The following KMT2D variants were observed in gnomAD, a reference collection of about 807,000 sequenced individuals.
The protein encoded by KMT2D is histone-lysine N-methyltransferase 2D.
In KMT2D, 55 loss-of-function variants were observed where a neutral mutation model predicts 512.7. That is an observed-to-expected ratio of 0.11 (90% CI 0.09 to 0.13). KMT2D has a LOEUF of 0.13. Among genes scored for constraint, KMT2D ranks in the 10% least tolerant of loss-of-function variants. The pLI is 1.00. For synonymous variants in KMT2D, 2,995 were observed against 2,904.0 expected (o/e 1.03, Z -1.01); for missense variants, 6,061 against 7,127.9 (o/e 0.85, Z 5.39).
rs1303835325 is a variant in KMT2D, at chr12:49,042,664, C to G, written c.5783-19G>C. 8 of 1,611,152 alleles carry G rather than the reference C, an allele frequency of 5.0e-6. No individual in the cohort carries two copies. The South Asian group carries it at 8.8e-5, about 18-fold the overall frequency. On this transcript the variant is annotated intron_variant, in intron 27 of 54. Transcript: ENST00000301067. This position sits in a 1 kb window ranked among gnomAD's most constrained non-coding sequence, Gnocchi z 4.4. Reference sequence around the variant, plus strand: ...AGTCCACCTACAAGACGGACAGGATCAGAGAAAAGAGCAACTGGCCCATCC... The same window carrying G: ...AGTCCACCTACAAGACGGACAGGATGAGAGAAAAGAGCAACTGGCCCATCC...
rs757557435 is a variant in KMT2D at position 49,039,820 on chromosome 12, A to C, written c.7950T>G (p.Thr2650=). 3.0e-5 allele frequency: 48 copies of C among 1,613,874 alleles called. No individual in the cohort carries two copies. Among genetic ancestry groups the C allele is most frequent in the Non-Finnish European group, 4.0e-5 (47 of 1,179,890 alleles). ...SPVEKREDPG[T]GMGSSLATAE... The stretch of plus-strand genomic sequence containing the variant: ...CTGTCGCCAAAGAGCTACCCATTCC[A>C]GTCCCTGGGTCTTCTCGCTTTTCGA... The change falls in exon 32 of 55, where the codon ACT becomes ACG. Residue 2650 remains threonine (T), a synonymous_variant. Coordinates refer to ENST00000301067, the MANE Select transcript of KMT2D (RefSeq NM_003482.4). The surrounding 1 kb of genome is among the most constrained non-coding windows in gnomAD (Gnocchi z 5.0).
Position 49,042,655 on chromosome 12 carries a change from G to A in KMT2D, c.5783-10C>T, listed in dbSNP as rs780005453. The A allele has an allele frequency of 2.4e-5, 39 of 1,612,048 alleles. No individual in the cohort carries two copies. The highest frequency in any genetic ancestry group is 2.0e-4 in the Admixed American group (12 of 59,762). On this transcript the variant is annotated splice_polypyrimidine_tract_variant and intron_variant, in intron 27 of 54. Coordinates refer to ENST00000301067, the MANE Select transcript of KMT2D (RefSeq NM_003482.4). The surrounding 1 kb of genome is among the most constrained non-coding windows in gnomAD (Gnocchi z 4.4). ...CCCAAAGGGAGTCCACCTACAAGAC[G>A]GACAGGATCAGAGAAAAGAGCAACT...
Position 49,031,125 on chromosome 12 carries a change from G to A in KMT2D, c.13530+50C>T, listed in dbSNP as rs375912331. The A allele has an allele frequency of 7.8e-5, 125 of 1,608,690 alleles. No homozygotes were observed. In the Middle Eastern group the frequency reaches 1.2e-3, roughly 15 times the overall value. Reference sequence around the variant, plus strand: ...CCCAGGCTCACTCATTCTGCCCCCCGCTGGCTCTAGGACCCACTCTACCTG... The same window carrying A: ...CCCAGGCTCACTCATTCTGCCCCCCACTGGCTCTAGGACCCACTCTACCTG... On this transcript the variant is annotated intron_variant, in intron 40 of 54. Coordinates refer to ENST00000301067, the MANE Select transcript of KMT2D (RefSeq NM_003482.4).
chr12:49,051,079 A>T lies in KMT2D; in HGVS notation c.2604T>A (p.Pro868=). Residue 868 remains proline, a synonymous_variant, in exon 11 of 55, where the codon CCT becomes CCA. Transcript: ENST00000301067. ...PPLSPRPEKP[P]EEPGQCPAPE... is the part of the protein sequence containing the mutation. ...GTGCAGGGCATTGGCCTGGCTCCTC[A>T]GGGGGCTTTTCAGGCCGAGGGGACA... 1 of 1,524,542 alleles carries T rather than the reference A, an allele frequency of 6.6e-7. No individual in the cohort carries two copies. 94.4% of individuals were successfully genotyped at this position (1,524,542 alleles called of 1,614,324 possible).
Position 49,048,038 on chromosome 12 carries a change from C to A in KMT2D, c.4163G>T (p.Arg1388Leu), listed in dbSNP as rs202217665. Residue 1388 changes from arginine (R) to leucine (L), a missense_variant, in exon 15 of 55, where the codon CGG becomes CTG. By Grantham distance (102) the Arg-to-Leu change is moderately radical. Around this residue, in one of 16 missense-constraint regions of KMT2D, gnomAD observed 53 missense variants for 148.3 expected, o/e 0.36. Transcript: ENST00000301067. The part of the protein sequence containing the change: ...DMCVVCGSFG[R>L]GAEGHLLACS... ...GGCAAGGAGGTGGCCCTCTGCCCCC[C>A]GGCCAAAGCTGCCACATACCACACA... The A allele has an allele frequency of 2.4e-4, 393 of 1,609,328 alleles. 1 individual carries two copies. The highest frequency in any genetic ancestry group is 7.7e-4 in the Admixed American group (46 of 59,942).
At position 49,046,648 on chromosome 12, in the gene KMT2D, G is replaced by T. The variant is rs1262943788; in HGVS notation, c.4379C>A (p.Pro1460Gln). Residue 1460 changes from proline (P) to glutamine (Q), a missense_variant, in exon 16 of 55, where the codon CCA becomes CAA. Physicochemically the swap from Pro to Gln is moderately conservative, Grantham distance 76. Transcript: ENST00000301067. The surrounding 1 kb of genome is among the most constrained non-coding windows in gnomAD (Gnocchi z 4.2). Reference protein sequence around the residue: ...ISYHTYCLDPPLLTVPKGGWK... With the variant: ...ISYHTYCLDPQLLTVPKGGWK... ...GCCGCCCTTGGGGACGGTGAGCAGTGGGGGGTCCAGGCAGTATGTGTGGTA... is the reference window on the plus strand; with the variant it reads ...GCCGCCCTTGGGGACGGTGAGCAGTTGGGGGTCCAGGCAGTATGTGTGGTA... 1.2e-6 allele frequency: 2 copies of T among 1,613,680 alleles called. No individual in the cohort carries two copies. Among genetic ancestry groups the T allele is most frequent in the Non-Finnish European group, 1.7e-6 (2 of 1,179,706 alleles).
rs924858289 is a variant in KMT2D at position 49,060,596 on chromosome 12, C to T, written c.-1021G>A. On this transcript the variant is annotated 5_prime_UTR_variant, in exon 1 of 55. Coordinates refer to ENST00000301067, the MANE Select transcript of KMT2D (RefSeq NM_003482.4). ...AGTGCAGCGCGGCGCCGCTCCGCCT[C>T]CCCCCCTCCGCCTCCTGTTCGGCCG... Among the ~76,000 whole-genome samples the T allele has an allele frequency of 6.6e-6, 1 of 151,804 alleles. No individual in the cohort carries two copies. The highest frequency in any genetic ancestry group is 6.6e-5 in the Admixed American group (1 of 15,208).
intron 40 of KMT2D, 41 bp downstream of exon 40, chr12:49,031,134 A>G: frequency 6.2e-7 from 1 of 1,608,672 alleles, no homozygotes; most frequent in South Asian, 1.1e-5. Context: ...CGCTGGCTCT[A>G]GGACCCACTC....
At chr12:49,053,792 G>C (rs1212105014) in intron 6 of KMT2D, among the ~76,000 whole-genome samples, 151 bp from the exon 7 acceptor site, 4 of 152,328 alleles carry the variant, frequency 2.6e-5, no homozygotes, top group Middle Eastern at 3.4e-3. Flanking sequence ...TACTGTTCTA[G>C]GCACTGGAGA....
chr12:49,058,580 T>C (rs1323208176), intron 1 of KMT2D, among the ~76,000 whole-genome samples: 1 of 152,036 alleles, frequency 6.6e-6, no homozygotes, highest in Non-Finnish European at 1.5e-5. Context: ...ACACACCCTT[T>C]CTCCCCAATA....
rs373466645 is a variant in KMT2D, at chr12:49,050,276, G to A, written c.3312C>T (p.Pro1104=). 155 of 1,611,466 alleles carry A rather than the reference G, an allele frequency of 9.6e-5. No individual in the cohort carries two copies. Among genetic ancestry groups the A allele is most frequent in the Non-Finnish European group, 1.2e-4 (141 of 1,178,788 alleles). The change falls in exon 12 of 55, where the codon CCC becomes CCT. Residue 1104 remains proline (P), a synonymous_variant. Transcript: ENST00000301067. Reference sequence around the variant, plus strand: ...CCAGGGCTGGGGCAGGGCTGGGGGCGGGGCAGGAAAGGTCCCCCATTGGGG... The same window carrying A: ...CCAGGGCTGGGGCAGGGCTGGGGGCAGGGCAGGAAAGGTCCCCCATTGGGG... ...LPSPMGDLSC[P]APSPAPALDD...
chr12:49,051,420 G>A lies in KMT2D; in HGVS notation c.2263C>T (p.Arg755Trp), dbSNP rs549710712. 22 of 1,607,858 alleles carry A rather than the reference G, an allele frequency of 1.4e-5. 1 individual carries two copies. Among genetic ancestry groups the A allele is most frequent in the South Asian group, 7.7e-5 (7 of 90,896 alleles). ...PRPEEPHLSPRPEEPHLSPQA... is the reference protein window; with the variant it reads ...PRPEEPHLSPWPEEPHLSPQA... ...GGAGATAGGTGTGGCTCCTCAGGCC[G>A]GGGGGACAGGTGCGGCTCCTCAGGC... The change falls in exon 11 of 55, where the codon CGG (arginine) becomes TGG (tryptophan). Residue 755 changes from arginine (R) to tryptophan (W), a missense_variant. By Grantham distance (101) the Arg-to-Trp change is moderately radical. Around this residue, in one of 16 missense-constraint regions of KMT2D, gnomAD observed 848 missense variants for 838.5 expected, o/e 1.01. Coordinates refer to ENST00000301067, the MANE Select transcript of KMT2D (RefSeq NM_003482.4).
rs2120486155 is a variant in KMT2D at position 49,037,823 on chromosome 12, T to G, written c.9533A>C (p.His3178Pro). 6.3e-7 allele frequency: 1 copy of G among 1,597,384 alleles called. No homozygotes were observed. Among genetic ancestry groups the G allele is most frequent in the Non-Finnish European group, 8.5e-7 (1 of 1,171,816 alleles). The change falls in exon 35 of 55, where the codon CAC (histidine) becomes CCC (proline). Residue 3178 changes from histidine to proline, a missense_variant. Coordinates refer to ENST00000301067, the MANE Select transcript of KMT2D (RefSeq NM_003482.4). Reference protein sequence around the residue: ...MGTGPFSSSGHTAEKASFGAT... With the variant: ...MGTGPFSSSGPTAEKASFGAT... ...CCCAAAGGAGGCCTTCTCAGCTGTG[T>G]GCCCACTGCTAGAAAATGGCCCTGT... is the stretch of plus-strand genomic sequence containing the variant.
intron 45 of KMT2D, 36 bp downstream of exon 45, chr12:49,029,025 G>A (rs2120389927): frequency 6.2e-7 from 1 of 1,605,770 alleles, no homozygotes; most frequent in Non-Finnish European, 8.5e-7. Flanking sequence ...CAACCCAGGT[G>A]AACTGGGCCT....
Position 49,038,436 on chromosome 12 carries a change from CA to C in KMT2D, c.8919del (p.Gly2974AlafsTer30). 6.2e-7 allele frequency: 1 copy of C among 1,612,548 alleles called. No homozygotes were observed. Among genetic ancestry groups the C allele is most frequent in the Non-Finnish European group, 8.5e-7 (1 of 1,178,868 alleles). ...TCCAGGGCCAGAGGATTGGGGCGGC[CA>C]AGCTCAGTGCTCGACGGGGGCCGGT... ...LVNRPPSSTE[L>X]GRPNPLALEA... On this transcript the variant is annotated frameshift_variant, in exon 35 of 55. Coordinates refer to ENST00000301067, the MANE Select transcript of KMT2D (RefSeq NM_003482.4). LOFTEE classifies it high-confidence loss of function. The surrounding 1 kb of genome is among the most constrained non-coding windows in gnomAD (Gnocchi z 5.7).
rs1324092920 is a variant in KMT2D, at chr12:49,038,382, C to T, written c.8974G>A (p.Glu2992Lys). 5 of 1,613,802 alleles carry T rather than the reference C, an allele frequency of 3.1e-6. No homozygotes were observed. Among genetic ancestry groups the T allele is most frequent in the East Asian group, 2.2e-5 (1 of 44,902 alleles). Residue 2992 changes from glutamate to lysine, a missense_variant, in exon 35 of 55, where the codon GAG becomes AAG. Glu to Lys is a moderately conservative substitution (Grantham distance 56). Coordinates refer to ENST00000301067, the MANE Select transcript of KMT2D (RefSeq NM_003482.4). The surrounding 1 kb of genome is among the most constrained non-coding windows in gnomAD (Gnocchi z 5.7). ...EAGKLPCEDP[E>K]LDDDFDAHKA... ...TGGGCATCAAAATCGTCATCCAGCTCGGGATCCTCACAGGGCAACTTCCCA... is the reference window on the plus strand; with the variant it reads ...TGGGCATCAAAATCGTCATCCAGCTTGGGATCCTCACAGGGCAACTTCCCA...
chr12:49,048,561 G>A, intron 14 of KMT2D, 98 bp downstream of exon 14: 1 of 721,690 alleles, frequency 1.4e-6, no homozygotes, highest in Non-Finnish European at 2.4e-6. Flanking sequence ...TTTCTCATTA[G>A]CTGGGTATCC....
rs770911238 is a variant in KMT2D at position 49,031,686 on chromosome 12, T to A, written c.13019A>T (p.His4340Leu). The A allele has an allele frequency of 3.1e-6, 5 of 1,611,160 alleles. No homozygotes were observed. Among genetic ancestry groups the A allele is most frequent in the Middle Eastern group, 1.7e-4 (1 of 6,024 alleles). The change falls in exon 40 of 55, where the codon CAT becomes CTT. Residue 4340 changes from histidine (H) to leucine (L), a missense_variant. By Grantham distance (99) the His-to-Leu change is moderately conservative. This residue lies in a region of KMT2D where 1,600 missense variants were observed against 1,754.9 expected (regional missense o/e 0.91). Transcript: ENST00000301067. ...CCCCTGAGGTTTGGGGGTCCCTGGATGGGTGGGAGGGAGCTGGGCCTCAGT... is the reference window on the plus strand; with the variant it reads ...CCCCTGAGGTTTGGGGGTCCCTGGAAGGGTGGGAGGGAGCTGGGCCTCAGT... ...LPTEAQLPPT[H>L]PGTPKPQGPT... is the part of the protein sequence containing the mutation.
rs1469387536 is a variant in KMT2D at position 49,026,635 on chromosome 12, T to C, written c.15331A>G (p.Asn5111Asp). The change falls in exon 49 of 55, where the codon AAT (asparagine) becomes GAT (aspartate). Residue 5111 changes from asparagine (N) to aspartate (D), a missense_variant. Coordinates refer to ENST00000301067, the MANE Select transcript of KMT2D (RefSeq NM_003482.4). This position sits in a 1 kb window ranked among gnomAD's most constrained non-coding sequence, Gnocchi z 9.6. Reference sequence around the variant, plus strand: ...ATGGCACAAGCAAAATGGTAGACATTGGGGCAACGCATGCGATTGCAGCTG... The same window carrying C: ...ATGGCACAAGCAAAATGGTAGACATCGGGGCAACGCATGCGATTGCAGCTG... ...TSSCNRMRCP[N>D]VYHFACAIRA... is the part of the protein sequence containing the mutation. The C allele has an allele frequency of 1.7e-5, 27 of 1,613,984 alleles. No homozygotes were observed. Among genetic ancestry groups the C allele is most frequent in the Non-Finnish European group, 2.2e-5 (26 of 1,179,906 alleles).
Sources: gnomAD v4.1 joint callset for allele counts (sites outside exome capture counted in the v4.1 genomes callset) on GRCh38, gnomAD v4.1.1 for gene constraint, gnomAD v4.1.1 regional missense constraint, Gnocchi (gnomAD v3.1) non-coding constraint, MANE v1.5 for transcripts, NCBI Gene and HGNC (gene_info 2026-07-23, HGNC 2026-07-21) for gene names.